The following UBE2E2 variants were observed in gnomAD, a reference collection of about 807,000 sequenced individuals.
UBE2E2 encodes the protein ubiquitin-conjugating enzyme E2 E2.
UBE2E2 carries 6 observed loss-of-function variants against 24.7 expected under a neutral mutation model. The ratio of observed to expected loss-of-function variants is 0.24; its 90% CI spans 0.13 to 0.48. The LOEUF is 0.48. Among genes scored for constraint, UBE2E2 ranks in the 20% least tolerant of loss-of-function variants. UBE2E2 has a pLI of 0.99. For missense variants in UBE2E2, 169 were observed against 245.0 expected, an observed-to-expected ratio of 0.69 and a Z score of 2.07; for synonymous variants, 104 against 83.6, an observed-to-expected ratio of 1.24 and a Z score of -1.33.
chr3:23,400,808 C>G (rs891727754), intron 3 of UBE2E2, among the ~76,000 whole-genome samples: 31 of 152,028 alleles, frequency 2.0e-4, no homozygotes, highest in Admixed American at 1.8e-3. Flanking sequence ...CCTCCTTTCT[C>G]CTTCCTTCCC....
rs144712251 is a variant in UBE2E2 at position 23,570,172 on chromosome 3, C to T, written c.509-19562C>T. On this transcript the variant is annotated intron_variant, in intron 5 of 5. Coordinates refer to ENST00000396703, the MANE Select transcript of UBE2E2 (RefSeq NM_152653.4). Reference sequence around the variant, plus strand: ...ACCTCCTTTTTCCCCCTAATCAAGCCGTAACTCCTTGCGGGTGAGGGATAG... The same window carrying T: ...ACCTCCTTTTTCCCCCTAATCAAGCTGTAACTCCTTGCGGGTGAGGGATAG... Among the ~76,000 whole-genome samples, 318 of 152,268 alleles carry T rather than the reference C, an allele frequency of 2.1e-3. 3 individuals are homozygous for T. The highest frequency in any genetic ancestry group is 7.2e-3 in the African/African-American group (301 of 41,550).
At chr3:23,275,324 C>T (rs1039835592) in intron 3 of UBE2E2, among the ~76,000 whole-genome samples, 4 of 152,126 alleles carry the variant, frequency 2.6e-5, no homozygotes, top group South Asian at 2.1e-4. Flanking sequence ...TAGGCAGAGG[C>T]GGCAGCATGT....
chr3:23,308,613 A>C (rs1699294365), intron 3 of UBE2E2, among the ~76,000 whole-genome samples: 1 of 152,184 alleles, frequency 6.6e-6, no homozygotes, highest in African/African-American at 2.4e-5. Flanking sequence ...GACATCTGTT[A>C]GTCTCAAAAT....
intron 4 of UBE2E2, among the ~76,000 whole-genome samples, chr3:23,508,890 G>A (rs1240057557): frequency 6.6e-6 from 1 of 152,170 alleles, no homozygotes; most frequent in Non-Finnish European, 1.5e-5. Context: ...GGAAAATGAG[G>A]ATCTTCTTTG....
chr3:23,532,959 A>G (rs17194786), intron 5 of UBE2E2, among the ~76,000 whole-genome samples: 100,809 of 152,100 alleles, frequency 0.66, 35,127 homozygotes, highest in African/African-American at 0.89. Flanking sequence ...ATGGGAAAGT[A>G]CGTTTAAAGA....
At chr3:23,501,698 G>A (rs551179455) in intron 4 of UBE2E2, among the ~76,000 whole-genome samples, 2 of 152,138 alleles carry the variant, frequency 1.3e-5, no homozygotes, top group African/African-American at 2.4e-5. Context: ...AAGCAGGAGG[G>A]TGTCAGTTAC....
At chr3:23,252,407 C>T (rs141252195) in intron 3 of UBE2E2, among the ~76,000 whole-genome samples, 25 of 152,252 alleles carry the variant, frequency 1.6e-4, no homozygotes, top group African/African-American at 6.0e-4. Context: ...TGCTACTCTG[C>T]AGACAATGTG....
intron 5 of UBE2E2, among the ~76,000 whole-genome samples, chr3:23,586,703 T>G (rs1490202327): frequency 5.9e-5 from 9 of 152,224 alleles, no homozygotes; most frequent in Non-Finnish European, 1.3e-4. Flanking sequence ...GATGCATGCA[T>G]GGTAATGGTC....
In UBE2E2 at chr3:23,586,016, G is replaced by C. The variant is rs186633104; in HGVS notation, c.509-3718G>C. Among the ~76,000 whole-genome samples, 615 of 151,694 alleles carry C rather than the reference G, an allele frequency of 4.1e-3. 3 individuals carry two copies. Among genetic ancestry groups the C allele is most frequent in the Middle Eastern group, 0.014 (4 of 294 alleles). On this transcript the variant is annotated intron_variant, in intron 5 of 5. Transcript: ENST00000396703. ...TATTTTCAGACTTTCACATTGAAAA[G>C]TCCTCCCTTAATTAAGCATATACAA...
At chr3:23,346,325 T>G (rs1695555361) in intron 3 of UBE2E2, among the ~76,000 whole-genome samples, 1 of 152,226 alleles carries the variant, frequency 6.6e-6, no homozygotes, top group Admixed American at 6.5e-5. Context: ...AGTAAAAGAT[T>G]AGTACCTTTT....
intron 3 of UBE2E2, among the ~76,000 whole-genome samples, chr3:23,451,734 G>A (rs1252614255): frequency 1.3e-5 from 2 of 152,080 alleles, no homozygotes; most frequent in African/African-American, 4.8e-5. Context: ...TCATACAATC[G>A]TTAGTTATTT....
intron 3 of UBE2E2, among the ~76,000 whole-genome samples, chr3:23,337,291 C>G (rs963190662): frequency 6.6e-6 from 1 of 152,154 alleles, no homozygotes; most frequent in Non-Finnish European, 1.5e-5. Flanking sequence ...TGGTAGTTGT[C>G]AGTCACTATA....
intron 4 of UBE2E2, among the ~76,000 whole-genome samples, chr3:23,505,588 C>T (rs898850620): frequency 2.0e-5 from 3 of 152,172 alleles, no homozygotes; most frequent in Non-Finnish European, 4.4e-5. Flanking sequence ...AAATTACACA[C>T]ATCAGTAAAG....
At chr3:23,436,806 G>A (rs1054916770) in intron 3 of UBE2E2, among the ~76,000 whole-genome samples, 2 of 152,042 alleles carry the variant, frequency 1.3e-5, no homozygotes, top group African/African-American at 4.8e-5. Context: ...CTCTCCATTT[G>A]TATCTCCGAC....
At chr3:23,503,995 A>T (rs1264836968) in intron 4 of UBE2E2, among the ~76,000 whole-genome samples, 1 of 140,764 alleles carries the variant, frequency 7.1e-6, no homozygotes, top group Non-Finnish European at 1.5e-5. Flanking sequence ...ACAGTTGCAG[A>T]TAAGCAAAAG....
chr3:23,296,422 G>A (rs547579511), intron 3 of UBE2E2, among the ~76,000 whole-genome samples: 2 of 151,980 alleles, frequency 1.3e-5, no homozygotes, highest in South Asian at 2.1e-4. Context: ...CCATTAACTC[G>A]TCATTTACCA....
At chr3:23,417,910 C>A (rs1013838724) in intron 3 of UBE2E2, among the ~76,000 whole-genome samples, 4 of 152,116 alleles carry the variant, frequency 2.6e-5, no homozygotes, top group African/African-American at 4.8e-5. Flanking sequence ...CCCTCCCGTG[C>A]CCAAGGTCCA....
intron 5 of UBE2E2, among the ~76,000 whole-genome samples, chr3:23,566,078 A>G (rs1461890002): frequency 2.0e-5 from 3 of 152,154 alleles, no homozygotes; most frequent in Non-Finnish European, 2.9e-5. Flanking sequence ...TTTGCCATGT[A>G]TTTTCCCTTT....
intron 3 of UBE2E2, among the ~76,000 whole-genome samples, chr3:23,253,780 A>G (rs1330567728): frequency 6.6e-6 from 1 of 152,204 alleles, no homozygotes; most frequent in Non-Finnish European, 1.5e-5. Context: ...CAAGGTATAT[A>G]GTAGTATGAA....
Sources: gnomAD v4.1 joint callset for allele counts (sites outside exome capture counted in the v4.1 genomes callset) on GRCh38, gnomAD v4.1.1 for gene constraint, MANE v1.5 for transcripts, NCBI Gene and HGNC (gene_info 2026-07-23, HGNC 2026-07-21) for gene names.